Variants in ARL15 observed in about 807,000 individuals in gnomAD.
ARL15 encodes the protein ARF like GTPase 15, also known as ADP-ribosylation factor-like protein 15.
A neutral mutation model predicts 25.2 loss-of-function variants in ARL15; 19 were observed. The ratio of observed to expected loss-of-function variants is 0.75; its 90% CI spans 0.53 to 1.10. The LOEUF (loss-of-function observed/expected upper bound fraction) is 1.10. Ranked by LOEUF, ARL15 falls within the 50% of genes least tolerant of loss-of-function variation. The pLI, the probability that ARL15 is intolerant of heterozygous loss-of-function variation, is 0.00. For missense variants in ARL15, 220 were observed against 246.0 expected (o/e 0.89, Z 0.71); for synonymous variants, 94 against 86.8 (o/e 1.08, Z -0.46).
chr5:54,235,076 T>C (rs1022624689), intron 1 of ARL15, among the ~76,000 whole-genome samples: 1 of 152,170 alleles, frequency 6.6e-6, no homozygotes, highest in Admixed American at 6.5e-5. Context: ...TAACTTTAAA[T>C]ACATAGAAGC....
At chr5:54,091,051 C>T (rs1296081545) in intron 4 of ARL15, among the ~76,000 whole-genome samples, 2 of 152,070 alleles carry the variant, frequency 1.3e-5, no homozygotes, top group African/African-American at 4.8e-5. Flanking sequence ...GGTTGAAAAC[C>T]AGAGGAATCT....
intron 4 of ARL15, among the ~76,000 whole-genome samples, chr5:54,064,123 G>A (rs35673352): frequency 0.015 from 2,316 of 152,106 alleles, 22 homozygotes; most frequent in Admixed American, 0.021. Context: ...TTTCTCCCAC[G>A]GAAGTGCATG....
rs146521741 is a variant in ARL15, at chr5:53,980,174, C to T, written c.463-93461G>A. 2.2e-4 allele frequency among the ~76,000 whole-genome samples: 33 copies of T among 152,292 alleles called. No individual in the cohort carries two copies. In the East Asian group the frequency reaches 3.7e-3, roughly 17 times the overall value. ...CACCTATTTTGCAAAAATACCAAAG[C>T]AACTCAAAGACATACTTCATTATCT... On this transcript the variant is annotated intron_variant, in intron 4 of 4. Coordinates refer to ENST00000504924, the MANE Select transcript of ARL15 (RefSeq NM_019087.3).
intron 2 of ARL15, among the ~76,000 whole-genome samples, chr5:54,155,596 G>A (rs907392839): frequency 3.3e-5 from 5 of 151,778 alleles, no homozygotes; most frequent in African/African-American, 1.2e-4. Flanking sequence ...ACAGTTCTAT[G>A]ATTAACTATA....
rs926816126 is a variant in ARL15 at position 53,901,741 on chromosome 5, T to G, written c.463-15028A>C. 2.6e-5 allele frequency among the ~76,000 whole-genome samples: 4 copies of G among 152,192 alleles called. No individual in the cohort carries two copies. In the South Asian group the frequency reaches 8.3e-4, roughly 32 times the overall value. On this transcript the variant is annotated intron_variant, in intron 4 of 4. Transcript: ENST00000504924. ...GATATGAGTTCCATATTTTATGAGG[T>G]TAAAGAGCATATGAAAAAGAAAAAC...
intron 4 of ARL15, among the ~76,000 whole-genome samples, chr5:54,062,930 A>G (rs1751112471): frequency 6.6e-6 from 1 of 152,178 alleles, no homozygotes; most frequent in South Asian, 2.1e-4. Context: ...GAGATCCAGG[A>G]CTTGTAGAAT....
At chr5:54,156,962 C>G (rs1754253307) in intron 2 of ARL15, among the ~76,000 whole-genome samples, 1 of 152,176 alleles carries the variant, frequency 6.6e-6, no homozygotes, top group South Asian at 2.1e-4. Context: ...CTGCAGGAGA[C>G]TTGGATGCCT....
chr5:54,276,637 A>G (rs1039099612), intron 1 of ARL15, among the ~76,000 whole-genome samples: 9 of 152,226 alleles, frequency 5.9e-5, no homozygotes, highest in Non-Finnish European at 1.2e-4. Flanking sequence ...GAAACTGTGA[A>G]TATGTTATCT....
chr5:54,033,945 C>G (rs1264646088), intron 4 of ARL15, among the ~76,000 whole-genome samples: 2 of 152,098 alleles, frequency 1.3e-5, no homozygotes, highest in East Asian at 1.9e-4. Context: ...TCCTGAGTAG[C>G]TGGGACTACA....
At chr5:54,169,763 C>T (rs577016715) in intron 2 of ARL15, among the ~76,000 whole-genome samples, 29 of 152,226 alleles carry the variant, frequency 1.9e-4, no homozygotes, top group Middle Eastern at 3.4e-3. Flanking sequence ...GGGAGAAATA[C>T]GGACAACGCC....
At chr5:53,964,195 C>T (rs1188834258) in intron 4 of ARL15, among the ~76,000 whole-genome samples, 4 of 152,148 alleles carry the variant, frequency 2.6e-5, no homozygotes, top group African/African-American at 9.7e-5. Flanking sequence ...ATCCCTTTTA[C>T]AGAATATTCA....
At chr5:54,051,265 A>G (rs537717248) in intron 4 of ARL15, among the ~76,000 whole-genome samples, 5 of 152,322 alleles carry the variant, frequency 3.3e-5, no homozygotes, top group African/African-American at 9.6e-5. Context: ...CATTTTAAGT[A>G]TGAAGAAACT....
In ARL15 at chr5:54,008,595, C is replaced by T. The variant is rs144597692; in HGVS notation, c.462+104607G>A. ...ACACTGGCTTGTTTACTTATTTCTT[C>T]ACCAAAGCCAGGGAACGTCCCTTTA... is the stretch of plus-strand genomic sequence containing the variant. On this transcript the variant is annotated intron_variant, in intron 4 of 4. Transcript: ENST00000504924. Among the ~76,000 whole-genome samples the T allele has an allele frequency of 7.8e-4, 119 of 152,146 alleles. 1 individual carries two copies. Among genetic ancestry groups the T allele is most frequent in the Non-Finnish European group, 1.4e-3 (92 of 67,954 alleles).
intron 1 of ARL15, among the ~76,000 whole-genome samples, chr5:54,265,279 G>T (rs1173124707): frequency 3.3e-5 from 5 of 152,154 alleles, no homozygotes; most frequent in Non-Finnish European, 4.4e-5. Context: ...GAATGTAGTG[G>T]TTGTTTGGCC....
intron 4 of ARL15, among the ~76,000 whole-genome samples, chr5:54,051,028 C>A (rs1340899140): frequency 1.3e-5 from 2 of 152,188 alleles, no homozygotes; most frequent in Admixed American, 6.5e-5. Context: ...TACTACTACT[C>A]AGAGACCCAT....
At chr5:53,916,056 A>C (rs1745636544) in intron 4 of ARL15, among the ~76,000 whole-genome samples, 1 of 152,054 alleles carries the variant, frequency 6.6e-6, no homozygotes, top group African/African-American at 2.4e-5. Context: ...GCAGGCACAC[A>C]CTATTGCACC....
chr5:53,952,315 G>A (rs931738589), intron 4 of ARL15, among the ~76,000 whole-genome samples: 4 of 152,034 alleles, frequency 2.6e-5, no homozygotes, highest in African/African-American at 9.7e-5. Context: ...TTGAGTCCTT[G>A]CACAGACAAT....
chr5:54,255,601 C>A (rs932959827), intron 1 of ARL15, among the ~76,000 whole-genome samples: 2 of 152,074 alleles, frequency 1.3e-5, no homozygotes, highest in Non-Finnish European at 2.9e-5. Context: ...ATGGGAAAAT[C>A]CAAAATCTGA....
At chr5:54,193,994 T>G (rs1244410807) in intron 1 of ARL15, among the ~76,000 whole-genome samples, 1 of 152,100 alleles carries the variant, frequency 6.6e-6, no homozygotes, top group Non-Finnish European at 1.5e-5. Flanking sequence ...TAACTGTAAA[T>G]AAAAACATAC....
Sources: allele counts gnomAD v4.1 joint callset (sites outside exome capture counted in the v4.1 genomes callset), GRCh38; gene constraint gnomAD v4.1.1; transcripts MANE v1.5; gene names NCBI Gene and HGNC (gene_info 2026-07-23, HGNC 2026-07-21).